The following DDX31 variants were observed in gnomAD, a reference collection of about 807,000 sequenced individuals.
DDX31 encodes the protein DEAD-box helicase 31, also known as ATP-dependent DNA helicase DDX31.
DDX31 carries 70 observed loss-of-function variants against 91.3 expected under a neutral mutation model. The ratio of observed to expected loss-of-function variants is 0.77; its 90% confidence interval spans 0.63 to 0.94. The LOEUF (loss-of-function observed/expected upper bound fraction) is 0.94. Ranked by LOEUF, DDX31 falls within the 40% of genes least tolerant of loss-of-function variation. The pLI, the probability that DDX31 is intolerant of heterozygous loss-of-function variation, is 0.00. For synonymous variants in DDX31, 362 were observed against 350.6 expected (o/e 1.03, Z -0.36); for missense variants, 902 against 925.0 (o/e 0.98, Z 0.32).
intron 19 of DDX31, among the ~76,000 whole-genome samples, chr9:132,597,777 G>A (rs191305954): frequency 1.3e-5 from 2 of 152,206 alleles, no homozygotes; most frequent in Non-Finnish European, 2.9e-5. Flanking sequence ...AGACACCACC[G>A]GGGCCACTTC....
chr9:132,661,723 TTTC>T (rs1184963776), intron 3 of DDX31, among the ~76,000 whole-genome samples: 1 of 152,226 alleles, frequency 6.6e-6, no homozygotes, highest in Non-Finnish European at 1.5e-5. Flanking sequence ...AATATATTTT[TTTC>T]TTCTTACTCA....
Position 132,618,516 on chromosome 9 carries a change from T to C in DDX31, c.1714-75A>G, listed in dbSNP as rs1831794426. On this transcript the variant is annotated intron_variant, in intron 17 of 19. Transcript: ENST00000372159. ...ATAATGAAGCAGTTTATAATAGATT[T>C]AATAACAGTAAAATCACACAGTAAC... is the stretch of plus-strand genomic sequence containing the variant. 3.1e-6 allele frequency: 4 copies of C among 1,276,480 alleles called. No homozygotes were observed. In the East Asian group the frequency reaches 1.0e-4, roughly 32 times the overall value. 79.1% of individuals were successfully genotyped at this position (1,276,480 alleles called of 1,614,324 possible).
rs375359635 is a variant in DDX31 at position 132,651,542 on chromosome 9, C to T, written c.634-426G>A. Among the ~76,000 whole-genome samples, 9 of 152,182 alleles carry T rather than the reference C, an allele frequency of 5.9e-5. No homozygotes were observed. In the East Asian group the frequency reaches 1.2e-3, roughly 20 times the overall value. ...GCAACAGGGTAGCCTCTGGGAACTT[C>T]GCTCTCAAGGAGCGATGACTGTATT... is the stretch of plus-strand genomic sequence containing the variant. On this transcript the variant is annotated intron_variant, in intron 7 of 19. Coordinates refer to ENST00000372159, the MANE Select transcript of DDX31 (RefSeq NM_022779.9).
chr9:132,598,566 T>A (rs1338064948), intron 19 of DDX31, among the ~76,000 whole-genome samples: 2 of 152,228 alleles, frequency 1.3e-5, no homozygotes, highest in Non-Finnish European at 2.9e-5. Context: ...CACAGCCTAA[T>A]TAGTAAATCA....
intron 14 of DDX31, among the ~76,000 whole-genome samples, chr9:132,635,631 T>C (rs958154431): frequency 3.3e-5 from 5 of 151,038 alleles, no homozygotes; most frequent in Non-Finnish European, 7.4e-5. Context: ...AAAACAATAA[T>C]ACTATGCAAA....
intron 17 of DDX31, among the ~76,000 whole-genome samples, chr9:132,624,156 G>C: frequency 9.1e-6 from 1 of 110,450 alleles, no homozygotes; most frequent in Non-Finnish European, 1.7e-5. Context: ...GACAGAGCGA[G>C]ACTCCGTCTC....
At chr9:132,657,461 T>A (rs999528259) in intron 6 of DDX31, among the ~76,000 whole-genome samples, 3 of 152,256 alleles carry the variant, frequency 2.0e-5, no homozygotes, top group Non-Finnish European at 2.9e-5. Flanking sequence ...TTTGTATATT[T>A]ATTTATTAGA....
intron 18 of DDX31, among the ~76,000 whole-genome samples, chr9:132,618,000 G>A (rs183357542): frequency 5.9e-5 from 9 of 152,238 alleles, no homozygotes; most frequent in Admixed American, 5.2e-4. Flanking sequence ...CTACTAACGT[G>A]TCACATGTCT....
chr9:132,622,437 G>A (rs997711606), intron 17 of DDX31, among the ~76,000 whole-genome samples: 2 of 152,206 alleles, frequency 1.3e-5, no homozygotes, highest in Admixed American at 1.3e-4. Flanking sequence ...GTAGCTTGTT[G>A]CTGACAGAGT....
At chr9:132,608,874 AC>A (rs1033434516) in intron 19 of DDX31, among the ~76,000 whole-genome samples, 1 of 152,090 alleles carries the variant, frequency 6.6e-6, no homozygotes, top group Non-Finnish European at 1.5e-5. Context: ...ATTTGCTCAA[AC>A]CCTGACTGAG....
intron 6 of DDX31, among the ~76,000 whole-genome samples, chr9:132,655,047 C>A (rs1170998412): frequency 6.6e-6 from 1 of 151,928 alleles, no homozygotes; most frequent in Non-Finnish European, 1.5e-5. Flanking sequence ...GGAGTGCACA[C>A]TGGCATATTC....
In DDX31 at chr9:132,635,524, G is replaced by C. The variant is rs1459394331; in HGVS notation, c.1441-3433C>G. Among the ~76,000 whole-genome samples, 3 of 133,574 alleles carry C rather than the reference G, an allele frequency of 2.2e-5. No homozygotes were observed. In the Admixed American group the frequency reaches 2.6e-4, roughly 12 times the overall value. 87.6% of individuals were successfully genotyped at this position (133,574 alleles called of 152,430 possible). On this transcript the variant is annotated intron_variant, in intron 14 of 19. Coordinates refer to ENST00000372159, the MANE Select transcript of DDX31 (RefSeq NM_022779.9). ...GCCCAGGCTGGAGTGCAGTGGTCTT[G>C]ATCTCCTGGACGTCATGATCTGCCC... is the stretch of plus-strand genomic sequence containing the variant.
intron 18 of DDX31, among the ~76,000 whole-genome samples, chr9:132,614,435 G>A (rs1334408213): frequency 1.3e-5 from 2 of 151,158 alleles, no homozygotes; most frequent in East Asian, 1.9e-4. Context: ...ACTGCTACGC[G>A]ACCCAGGAGA....
intron 19 of DDX31, among the ~76,000 whole-genome samples, chr9:132,608,051 G>A (rs1831119161): frequency 6.6e-6 from 1 of 152,154 alleles, no homozygotes; most frequent in East Asian, 1.9e-4. Flanking sequence ...GGAAAGATGG[G>A]GACTTTGGAA....
intron 19 of DDX31, among the ~76,000 whole-genome samples, chr9:132,603,236 T>G (rs963500330): frequency 6.6e-6 from 1 of 152,274 alleles, no homozygotes; most frequent in Non-Finnish European, 1.5e-5. Flanking sequence ...GGTTCTCAAC[T>G]GTATCCCTCA....
chr9:132,659,761 G>A lies in DDX31; in HGVS notation c.472C>T (p.Pro158Ser), dbSNP rs763772621. Residue 158 changes from proline to serine, a missense_variant, in exon 5 of 20, where the codon CCT (proline) becomes TCT (serine). Transcript: ENST00000372159. ...SMTSVQKQSI[P>S]VLLEGRDALV... ...GCATCTCTGCCTTCCAGCAACACAG[G>A]AATACTTTGCTTCTGAACACTGGGC... The A allele has an allele frequency of 6.2e-7, 1 of 1,613,122 alleles. No homozygotes were observed. The highest frequency in any genetic ancestry group is 8.5e-7 in the Non-Finnish European group (1 of 1,179,588).
chr9:132,650,202 A>T, intron 9 of DDX31, 32 bp downstream of exon 9: 1 of 1,607,296 alleles, frequency 6.2e-7, no homozygotes, highest in Non-Finnish European at 8.5e-7. Context: ...CACATTCAAG[A>T]AGGAAACAAC....
intron 14 of DDX31, among the ~76,000 whole-genome samples, chr9:132,640,132 C>G (rs868543345): frequency 6.6e-6 from 1 of 152,140 alleles, no homozygotes; most frequent in Non-Finnish European, 1.5e-5. Flanking sequence ...TGCTTACGAC[C>G]GGCTGGGAAG....
At chr9:132,612,022 A>T in intron 19 of DDX31, 65 bp downstream of exon 19, 2 of 1,557,064 alleles carry the variant, frequency 1.3e-6, no homozygotes, top group Non-Finnish European at 1.7e-6. Flanking sequence ...CATGGCAGCT[A>T]GCACATCACA....
Sources: gnomAD v4.1 joint callset for allele counts (sites outside exome capture counted in the v4.1 genomes callset) on GRCh38, gnomAD v4.1.1 for gene constraint, MANE v1.5 for transcripts, NCBI Gene and HGNC (gene_info 2026-07-23, HGNC 2026-07-21) for gene names.